The following MBNL3 variants were observed in gnomAD, a reference collection of about 807,000 sequenced individuals.
MBNL3 encodes the protein muscleblind-like protein 3.
In MBNL3, 6 loss-of-function variants were observed where a neutral mutation model predicts 24.5. The ratio of observed to expected loss-of-function variants is 0.25; its 90% CI spans 0.13 to 0.48. The LOEUF (loss-of-function observed/expected upper bound fraction) is 0.48, where lower values mean the gene tolerates loss of function less well. MBNL3 is among the 20% of genes least tolerant of loss of function. The pLI, the probability that MBNL3 is intolerant of heterozygous loss-of-function variation, is 0.99. For synonymous variants in MBNL3, 100 were observed against 101.7 expected (o/e 0.98, Z 0.10); for missense variants, 230 against 293.5 (o/e 0.78, Z 1.58).
At chrX:132,438,782 T>C (rs1458080865) in intron 2 of MBNL3, among the ~76,000 whole-genome samples, 1 of 105,237 alleles carries the variant, frequency 9.5e-6, no homozygotes, top group Non-Finnish European at 1.9e-5. Flanking sequence ...ACCTTAGTAA[T>C]AGGACTTTCC....
intron 3 of MBNL3, among the ~76,000 whole-genome samples, chrX:132,404,370 AAAGACTT>A (rs754466682): frequency 1.8e-5 from 2 of 112,255 alleles, no homozygotes; most frequent in Non-Finnish European, 1.9e-5. Flanking sequence ...TCAGTATCCA[AAAGACTT>A]TATCTTCCCT....
At chrX:132,443,984 T>TCCCCC (rs762809506) in intron 1 of MBNL3, among the ~76,000 whole-genome samples, 139 of 6,148 alleles carry the variant, frequency 0.023, 32 homozygotes, top group Admixed American at 0.056. Flanking sequence ...GACTCCAGAG[T>TCCCCC]CCGCCCCCCC....
intron 6 of MBNL3, among the ~76,000 whole-genome samples, chrX:132,385,888 TCA>T (rs1935920140): frequency 3.4e-5 from 1 of 29,139 alleles, no homozygotes; most frequent in Admixed American, 4.7e-4. Context: ...TACCATTGTG[TCA>T]AAAAAAAAAA....
Position 132,411,137 on chromosome X carries a change from A to G in MBNL3, c.178-4745T>C, listed in dbSNP as rs1308846858. The G allele has an allele frequency of 9.3e-6, 7 of 751,375 alleles. No homozygotes were observed. The East Asian group carries it at 4.6e-4, about 49-fold the overall frequency. 61.9% of individuals were successfully genotyped at this position (751,375 alleles called of 1,213,427 possible). ...TTAATGAGGCTGAACGTTGACCCCCATGGAGAGGGCCAGCCAAGTACCCCC... is the reference window on the plus strand; with the variant it reads ...TTAATGAGGCTGAACGTTGACCCCCGTGGAGAGGGCCAGCCAAGTACCCCC... On this transcript the variant is annotated intron_variant, in intron 2 of 8. Coordinates refer to ENST00000370853, the MANE Select transcript of MBNL3 (RefSeq NM_001386889.1).
intron 3 of MBNL3, among the ~76,000 whole-genome samples, chrX:132,399,472 G>A (rs1437187958): frequency 1.8e-5 from 2 of 110,609 alleles, no homozygotes; most frequent in Non-Finnish European, 3.8e-5. Context: ...ATAAAAATAT[G>A]TAACTTTATT....
intron 6 of MBNL3, 131 bp from the exon 7 acceptor site, chrX:132,384,829 C>T: frequency 2.2e-6 from 1 of 464,608 alleles, no homozygotes; most frequent in East Asian, 4.6e-5. Flanking sequence ...GCAAGTCCAA[C>T]AATCTCCCAT....
chrX:132,459,982 A>T (rs1037303813), intron 1 of MBNL3, among the ~76,000 whole-genome samples: 4 of 111,687 alleles, frequency 3.6e-5, no homozygotes, highest in African/African-American at 1.3e-4. Context: ...ACTTCAGCCA[A>T]GGTGAAGCTT....
At chrX:132,473,630 A>G (rs1349654832) in intron 1 of MBNL3, among the ~76,000 whole-genome samples, 1 of 111,329 alleles carries the variant, frequency 9.0e-6, no homozygotes, top group Non-Finnish European at 1.9e-5. Flanking sequence ...ACACACGCAC[A>G]CAAAAAAAAC....
intron 2 of MBNL3, among the ~76,000 whole-genome samples, chrX:132,438,705 C>T (rs1945247072): frequency 9.6e-6 from 1 of 104,455 alleles, no homozygotes; most frequent in African/African-American, 3.5e-5. Context: ...TACATCCTGT[C>T]CTATATAATA....
At chrX:132,480,950 G>A (rs1447132053) in intron 1 of MBNL3, among the ~76,000 whole-genome samples, 1 of 111,257 alleles carries the variant, frequency 9.0e-6, no homozygotes, top group Non-Finnish European at 1.9e-5. Context: ...CAAACCACAT[G>A]ATACAGTTCA....
chrX:132,477,997 G>A (rs1343150831), intron 1 of MBNL3, among the ~76,000 whole-genome samples: 1 of 111,669 alleles, frequency 9.0e-6, no homozygotes, highest in Non-Finnish European at 1.9e-5. Context: ...GAATCAGCTT[G>A]TTTTCTTCTT....
chrX:132,443,129 A>G (rs1000287573), intron 1 of MBNL3, among the ~76,000 whole-genome samples: 1 of 112,290 alleles, frequency 8.9e-6, no homozygotes, highest in Non-Finnish European at 1.9e-5. Context: ...TTCTTAGTGC[A>G]TTTGTACTTT....
At chrX:132,465,656 A>G (rs1288017662) in intron 1 of MBNL3, among the ~76,000 whole-genome samples, 1 of 112,250 alleles carries the variant, frequency 8.9e-6, no homozygotes, top group Non-Finnish European at 1.9e-5. Context: ...TGACAGAAAA[A>G]TAATTTTCCC....
chrX:132,462,670 T>C (rs1946682759), intron 1 of MBNL3, among the ~76,000 whole-genome samples: 1 of 109,285 alleles, frequency 9.2e-6, no homozygotes, highest in African/African-American at 3.5e-5. Context: ...TGAGTACACC[T>C]GCACTATGTG....
intron 1 of MBNL3, among the ~76,000 whole-genome samples, chrX:132,481,178 C>T (rs1053821452): frequency 1.1e-4 from 12 of 112,098 alleles, no homozygotes; most frequent in African/African-American, 3.9e-4. Context: ...TTCTGAGTGC[C>T]TCTGTCTGAA....
intron 3 of MBNL3, among the ~76,000 whole-genome samples, chrX:132,396,405 C>CAT (rs1172017297): frequency 2.6e-5 from 2 of 76,983 alleles, no homozygotes; most frequent in Admixed American, 1.7e-4. Flanking sequence ...TATATATATT[C>CAT]ATATATATTC....
intron 1 of MBNL3, among the ~76,000 whole-genome samples, chrX:132,474,463 T>G (rs557228957): frequency 3.4e-4 from 38 of 111,610 alleles, no homozygotes; most frequent in African/African-American, 1.2e-3. Context: ...TCCTCCTTTT[T>G]TGTTTTTGGT....
In MBNL3 at chrX:132,392,325, G is replaced by C. The variant is rs768543470; in HGVS notation, c.352C>G (p.Pro118Ala). The change falls in exon 4 of 9, where the codon CCT (proline) becomes GCT (alanine). Residue 118 changes from proline to alanine, a missense_variant. Transcript: ENST00000370853. ...TTAGCTGGAATTGATGGAGTCATAG[G>C]AAAAGAACCCTGTATGTTTAAAAGA... Reference protein sequence around the residue: ...NAQMSSLGSFPMTPSIPANPP... With the variant: ...NAQMSSLGSFAMTPSIPANPP... 3.3e-6 allele frequency: 4 copies of C among 1,194,594 alleles called. No homozygotes were observed. In the Admixed American group the frequency reaches 9.1e-5, roughly 27 times the overall value.
At chrX:132,439,318 A>T in intron 2 of MBNL3, 117 bp downstream of exon 2, 1 of 896,725 alleles carries the variant, frequency 1.1e-6, no homozygotes, top group Non-Finnish European at 1.5e-6. Flanking sequence ...TTTTGTTAAA[A>T]AAACAAAATT....
Sources: allele counts gnomAD v4.1 joint callset (sites outside exome capture counted in the v4.1 genomes callset), GRCh38; gene constraint gnomAD v4.1.1; transcripts MANE v1.5; gene names NCBI Gene and HGNC (gene_info 2026-07-23, HGNC 2026-07-21).